Variants in MROH2A observed in about 807,000 individuals in gnomAD.
MROH2A encodes maestro heat-like repeat-containing protein family member 2A.
Under a neutral mutation model 200.4 loss-of-function variants are expected in MROH2A, and 174 were observed. The ratio of observed to expected loss-of-function variants is 0.87; its 90% CI spans 0.77 to 0.98. The LOEUF is 0.98. Among genes scored for constraint, MROH2A ranks in the 50% least tolerant of loss-of-function variants. The pLI, the probability that MROH2A is intolerant of heterozygous loss-of-function variation, is 0.00. For missense variants in MROH2A, 2,045 were observed against 2,139.6 expected, an observed-to-expected ratio of 0.96 and a Z score of 0.87; for synonymous variants, 829 against 840.4, an observed-to-expected ratio of 0.99 and a Z score of 0.23.
intron 38 of MROH2A, among the ~76,000 whole-genome samples, chr2:233,830,580 CGGGTGGCCCAGATGGCCT>C (rs1481520810): frequency 6.6e-6 from 1 of 151,950 alleles, no homozygotes; most frequent in Admixed American, 6.5e-5. Flanking sequence ...TGGGGTGGAG[CGGGTGGCCCAGATGGCCT>C]GGGTGGCCCA....
chr2:233,823,741 G>A, intron 35 of MROH2A, 77 bp downstream of exon 35: 1 of 1,515,638 alleles, frequency 6.6e-7, no homozygotes, highest in Non-Finnish European at 8.9e-7. Context: ...GGGATGGCTT[G>A]TCTCCAAGGC....
At chr2:233,815,402 G>A (rs1580834) in intron 26 of MROH2A, among the ~76,000 whole-genome samples, 105,433 of 152,114 alleles carry the variant, frequency 0.69, 37,179 homozygotes, top group South Asian at 0.8. Context: ...AGAAGTTTTT[G>A]GTTTTGACGA....
chr2:233,803,905 T>C, intron 16 of MROH2A, 146 bp from the exon 17 acceptor site: 1 of 1,083,142 alleles, frequency 9.2e-7, no homozygotes, highest in Non-Finnish European at 1.3e-6. Context: ...TGTAGTGTCC[T>C]CTGCAGGTGC....
At chr2:233,785,908 T>C (rs1254862711) in intron 3 of MROH2A, among the ~76,000 whole-genome samples, 3 of 152,164 alleles carry the variant, frequency 2.0e-5, no homozygotes, top group Non-Finnish European at 2.9e-5. Context: ...TTCTGGAAGC[T>C]GGAAGTCCCT....
chr2:233,828,776 G>A lies in MROH2A; in HGVS notation c.4260G>A (p.Lys1420=), dbSNP rs762542527. Residue 1420 remains lysine, a synonymous_variant, in exon 36 of 42, where the codon AAG becomes AAA. Coordinates refer to ENST00000389758, the MANE Select transcript of MROH2A (RefSeq NM_001394639.1). The surrounding 1 kb of genome is among the most constrained non-coding windows in gnomAD (Gnocchi z 4.6). The part of the protein sequence containing the change: ...ALGNMALGAP[K]KVKQYRKVLL... The stretch of plus-strand genomic sequence containing the variant: ...GCAACATGGCCCTGGGCGCCCCCAA[G>A]AAGGTACTGTGCCTGGCCCTGGGCC... 6.5e-7 allele frequency: 1 copy of A among 1,550,306 alleles called. No individual in the cohort carries two copies. Among genetic ancestry groups the A allele is most frequent in the South Asian group, 1.2e-5 (1 of 84,036 alleles).
At chr2:233,778,314 C>T (rs1350284985), upstream of MROH2A, 4 of 167,948 alleles carry the variant, frequency 2.4e-5, no homozygotes, top group Non-Finnish European at 4.4e-5. Context: ...AACCCTCCCA[C>T]CCTTCCAGGA....
chr2:233,813,368 C>T lies in MROH2A; in HGVS notation c.2652-302C>T, dbSNP rs11563240. On this transcript the variant is annotated intron_variant, in intron 24 of 41. Coordinates refer to ENST00000389758, the MANE Select transcript of MROH2A (RefSeq NM_001394639.1). ...CCAGGGAGGGCAGATTCCATAGTTGCAGTCGGCAAGGAGCAATGGAATGTT... is the reference window on the plus strand; with the variant it reads ...CCAGGGAGGGCAGATTCCATAGTTGTAGTCGGCAAGGAGCAATGGAATGTT... Among the ~76,000 whole-genome samples the T allele has an allele frequency of 0.01, 1,576 of 152,308 alleles. 114 individuals carry two copies. The East Asian group carries it at 0.2, about 19-fold the overall frequency.
intron 26 of MROH2A, among the ~76,000 whole-genome samples, chr2:233,814,979 C>T (rs910748962): frequency 8.5e-5 from 13 of 152,198 alleles, no homozygotes; most frequent in Non-Finnish European, 1.2e-4. Flanking sequence ...ACAGTACTCT[C>T]TTATATAACA....
At chr2:233,817,868 C>A in intron 27 of MROH2A, 134 bp from the exon 28 acceptor site, 2 of 1,083,080 alleles carry the variant, frequency 1.8e-6, no homozygotes, top group Non-Finnish European at 1.3e-6. Context: ...CAGACAGTGG[C>A]ACCCTCCCCT....
chr2:233,822,270 T>C lies in MROH2A; in HGVS notation c.3659T>C (p.Val1220Ala), dbSNP rs1703995257. 6.5e-6 allele frequency: 10 copies of C among 1,547,596 alleles called. No individual in the cohort carries two copies. Among genetic ancestry groups the C allele is most frequent in the Non-Finnish European group, 8.7e-6 (10 of 1,146,958 alleles). ...SKADIWRLAA[V>A]DPLMTLCTIH... ...GCTGACATCTGGCGCCTGGCTGCGG[T>C]GGACCCCCTGATGGTGAGTTGCAGG... Residue 1220 changes from valine (V) to alanine (A), a missense_variant, in exon 32 of 42, where the codon GTG (valine) becomes GCG (alanine). This residue lies in a region of MROH2A where 1,201 missense variants were observed against 1,311.3 expected (regional missense o/e 0.92). Coordinates refer to ENST00000389758, the MANE Select transcript of MROH2A (RefSeq NM_001394639.1).
Position 233,807,877 on chromosome 2 carries a change from A to G in MROH2A, c.2295+22A>G, listed in dbSNP as rs892342845. On this transcript the variant is annotated intron_variant, in intron 21 of 41. Coordinates refer to ENST00000389758, the MANE Select transcript of MROH2A (RefSeq NM_001394639.1). The surrounding 1 kb of genome is among the most constrained non-coding windows in gnomAD (Gnocchi z 4.3). ...GCGGGTAAGCCACCTTCCCTCCACAACTGGGTCTTGGGATCTCTTAGCACA... is the reference window on the plus strand; with the variant it reads ...GCGGGTAAGCCACCTTCCCTCCACAGCTGGGTCTTGGGATCTCTTAGCACA... The G allele has an allele frequency of 3.2e-6, 5 of 1,550,938 alleles. No individual in the cohort carries two copies. Among genetic ancestry groups the G allele is most frequent in the East Asian group, 4.9e-5 (2 of 40,922 alleles).
chr2:233,826,115 G>C (rs900693879), intron 35 of MROH2A, among the ~76,000 whole-genome samples: 2 of 151,892 alleles, frequency 1.3e-5, no homozygotes, highest in African/African-American at 2.4e-5. Context: ...AGTAGAGATA[G>C]GGTTTCACCA....
intron 26 of MROH2A, among the ~76,000 whole-genome samples, chr2:233,816,042 T>C (rs936471175): frequency 2.0e-5 from 3 of 152,250 alleles, no homozygotes; most frequent in Non-Finnish European, 4.4e-5. Context: ...TGTTCTCTGA[T>C]GACATACTTA....
At position 233,800,355 on chromosome 2, in the gene MROH2A, G is replaced by A. The variant is rs1433650076; in HGVS notation, c.1560+40G>A. ...CCCCACCCGCACAGTGGGTCACCAC[G>A]CCAGGCTGGGGGTGAACCACACATG... On this transcript the variant is annotated intron_variant, in intron 14 of 41. Coordinates refer to ENST00000389758, the MANE Select transcript of MROH2A (RefSeq NM_001394639.1). The A allele has an allele frequency of 1.8e-5, 22 of 1,219,860 alleles. No individual in the cohort carries two copies. In the Admixed American group the frequency reaches 2.1e-4, roughly 12 times the overall value. 75.6% of individuals were successfully genotyped at this position (1,219,860 alleles called of 1,614,324 possible).
chr2:233,811,479 A>C (rs1703151046), intron 23 of MROH2A, among the ~76,000 whole-genome samples: 1 of 152,196 alleles, frequency 6.6e-6, no homozygotes, highest in Admixed American at 6.5e-5. Flanking sequence ...GATTGGGTGG[A>C]ACAGAAGGCA....
intron 1 of MROH2A, among the ~76,000 whole-genome samples, chr2:233,778,842 A>T (rs541532964): frequency 6.6e-6 from 1 of 152,362 alleles, no homozygotes; most frequent in East Asian, 1.9e-4. Context: ...AAGAACATCC[A>T]TTGATTATCT....
At chr2:233,798,699 G>A (rs560533141) in intron 11 of MROH2A, 75 bp from the exon 12 acceptor site, 1 of 1,053,142 alleles carries the variant, frequency 9.5e-7, no homozygotes, top group African/African-American at 1.6e-5. Flanking sequence ...AGAACGTGAG[G>A]CCCTGATGTG....
In MROH2A at chr2:233,822,474, C is replaced by T. The variant is rs550071912; in HGVS notation, c.3784C>T (p.Arg1262Ter). The T allele has an allele frequency of 2.3e-4, 351 of 1,550,586 alleles. 1 individual carries two copies. Among genetic ancestry groups the T allele is most frequent in the South Asian group, 3.0e-4 (25 of 84,062 alleles). ...TLLLQLGSSH[R>*]PEAAPPVLKM... The stretch of plus-strand genomic sequence containing the variant: ...CCTGCTGCAGCTTGGAAGCAGCCAC[C>T]GACCAGAGGCCGCCCCGCCGGTCTT... The change falls in exon 33 of 42, where the codon CGA becomes TGA. Residue 1262 changes from arginine (R) to a stop codon, truncating the protein, a stop_gained. Transcript: ENST00000389758. LOFTEE classifies it high-confidence loss of function.
intron 23 of MROH2A, among the ~76,000 whole-genome samples, chr2:233,811,124 A>G (rs1045008880): frequency 6.6e-6 from 1 of 152,116 alleles, no homozygotes; most frequent in South Asian, 2.1e-4. Flanking sequence ...CTGTTTGGAA[A>G]CCAGGGTGGG....
Sources: gnomAD v4.1 joint callset for allele counts (sites outside exome capture counted in the v4.1 genomes callset) on GRCh38, gnomAD v4.1.1 for gene constraint, gnomAD v4.1.1 regional missense constraint, Gnocchi (gnomAD v3.1) non-coding constraint, MANE v1.5 for transcripts, NCBI Gene and HGNC (gene_info 2026-07-23, HGNC 2026-07-21) for gene names.